The following FANCD2 variants were observed in gnomAD, a reference collection of about 807,000 sequenced individuals.
The protein encoded by FANCD2 is FA complementation group D2.
FANCD2 carries 131 observed loss-of-function variants against 192.3 expected under a neutral mutation model. The observed-to-expected ratio is 0.68, with a 90% CI of 0.59 to 0.79. FANCD2 has a LOEUF of 0.79. FANCD2 is among the 30% of genes least tolerant of loss of function. FANCD2 has a pLI of 0.00. For missense variants in FANCD2, 1,508 were observed against 1,701.6 expected (o/e 0.89, Z 2.00); for synonymous variants, 524 against 612.5 (o/e 0.86, Z 2.13).
chr3:10,099,757 C>G (rs997029414), intron 43 of FANCD2: 55 of 152,130 alleles, frequency 3.6e-4, no homozygotes, highest in African/African-American at 1.3e-3. Flanking sequence ...GACTCCGTCT[C>G]AACAACAACA....
chr3:10,059,626 C>A (rs1462316187), intron 18 of FANCD2, among the ~76,000 whole-genome samples: 1 of 151,968 alleles, frequency 6.6e-6, no homozygotes, highest in Non-Finnish European at 1.5e-5. Context: ...CATGGTGAAA[C>A]CCCGTCTCTA....
chr3:10,087,167 A>G lies in FANCD2; in HGVS notation c.3369A>G (p.Gln1123=), dbSNP rs776210193. 6 of 1,614,020 alleles carry G rather than the reference A, an allele frequency of 3.7e-6. No homozygotes were observed. The highest frequency in any genetic ancestry group is 5.1e-6 in the Non-Finnish European group (6 of 1,179,976). ...TCCATTACTTGCAGAATTTCCATCA[A>G]AGCATTCCCAGTTTCCAGTGTGCTC... ...QSVHYLQNFH[Q]SIPSFQCALY... Residue 1123 remains glutamine, a synonymous_variant, in exon 34 of 44, where the codon CAA becomes CAG. Transcript: ENST00000675286.
At position 10,083,224 on chromosome 3, in the gene FANCD2, C is replaced by T. The variant is rs564540459; in HGVS notation, c.3224+1760C>T. ...CCTGGGCAACAGAACCAGACCCCAT[C>T]TCAAAAAAAAAAAAATCTGGGCCCC... On this transcript the variant is annotated intron_variant, in intron 32 of 43. Transcript: ENST00000675286. Among the ~76,000 whole-genome samples, 4 of 149,214 alleles carry T rather than the reference C, an allele frequency of 2.7e-5. No individual in the cohort carries two copies. In the South Asian group the frequency reaches 8.4e-4, roughly 31 times the overall value.
rs34388064 is a variant in FANCD2, at chr3:10,035,993, A to G, written c.439-294A>G. ...TTCCAATAGCATATTCTAAAAATGA[A>G]GACATATTCGTGTGGATATCCTTGT... On this transcript the variant is annotated intron_variant, in intron 6 of 43. Transcript: ENST00000675286. 9.2e-3 allele frequency among the ~76,000 whole-genome samples: 1,394 copies of G among 152,180 alleles called. 31 individuals carry two copies. The highest frequency in any genetic ancestry group is 0.032 in the African/African-American group (1,318 of 41,504).
At chr3:10,074,466 T>G in intron 28 of FANCD2, 64 bp from the exon 29 acceptor site, 1 of 1,440,972 alleles carries the variant, frequency 6.9e-7, no homozygotes, top group Non-Finnish European at 9.5e-7. Flanking sequence ...TTTGAAGTTT[T>G]TATTAAAATT....
At chr3:10,061,376 G>A (rs2087562963) in intron 19 of FANCD2, among the ~76,000 whole-genome samples, 1 of 152,138 alleles carries the variant, frequency 6.6e-6, no homozygotes, top group Non-Finnish European at 1.5e-5. Flanking sequence ...TCACTCCCCT[G>A]TGACACACAT....
In FANCD2 at chr3:10,042,642, A is replaced by C; in HGVS notation, c.867A>C (p.Val289=). 1.2e-6 allele frequency: 2 copies of C among 1,613,816 alleles called. No homozygotes were observed. Among genetic ancestry groups the C allele is most frequent in the Non-Finnish European group, 1.7e-6 (2 of 1,179,714 alleles). Residue 289 remains valine, a synonymous_variant, in exon 11 of 44, where the codon GTA becomes GTC. Transcript: ENST00000675286. ...PVIIKFILHS[V]TAMDTLEVIS... Reference sequence around the variant, plus strand: ...TAATAAAGTTCATTCTTCATTCCGTAACAGCCATGGATACACTTGAGGTAT... The same window carrying C: ...TAATAAAGTTCATTCTTCATTCCGTCACAGCCATGGATACACTTGAGGTAT...
intron 10 of FANCD2, among the ~76,000 whole-genome samples, chr3:10,042,274 T>C (rs1170330515): frequency 6.6e-6 from 1 of 152,218 alleles, no homozygotes; most frequent in East Asian, 1.9e-4. Flanking sequence ...CCCATAGGAA[T>C]AATACTTTTT....
chr3:10,098,711 C>G lies in FANCD2; in HGVS notation c.4186-9C>G, dbSNP rs1349080878. On this transcript the variant is annotated splice_polypyrimidine_tract_variant and intron_variant, in intron 42 of 43. Coordinates refer to ENST00000675286, the MANE Select transcript of FANCD2 (RefSeq NM_001018115.3). ...TAACCCACCATTTTCTTGGTCCATT[C>G]ACATTTAGGGTGAAGAGATTAAGTC... is the stretch of plus-strand genomic sequence containing the variant. The G allele has an allele frequency of 6.2e-7, 1 of 1,614,058 alleles. No homozygotes were observed. The highest frequency in any genetic ancestry group is 8.5e-7 in the Non-Finnish European group (1 of 1,179,952).
intron 41 of FANCD2, 111 bp from the exon 42 acceptor site, chr3:10,096,215 G>T: frequency 9.4e-7 from 1 of 1,058,586 alleles, no homozygotes; most frequent in South Asian, 1.3e-5. Context: ...CATACCGTTG[G>T]CCCATACTGG....
At position 10,065,375 on chromosome 3, in the gene FANCD2, A is replaced by T. The variant is rs1243578039; in HGVS notation, c.2169-19A>T. 6 of 1,563,828 alleles carry T rather than the reference A, an allele frequency of 3.8e-6. No individual in the cohort carries two copies. The highest frequency in any genetic ancestry group is 5.3e-6 in the Non-Finnish European group (6 of 1,134,270). On this transcript the variant is annotated intron_variant, in intron 23 of 43. Transcript: ENST00000675286. Reference sequence around the variant, plus strand: ...TACACCTATGAAGTGTGGTCTAGAAATTTATTTCTCCTTCTCAGATTGGTG... The same window carrying T: ...TACACCTATGAAGTGTGGTCTAGAATTTTATTTCTCCTTCTCAGATTGGTG...
At chr3:10,043,312 A>G (rs1274080936) in intron 12 of FANCD2, among the ~76,000 whole-genome samples, 162 bp downstream of exon 12, 1 of 152,176 alleles carries the variant, frequency 6.6e-6, no homozygotes, top group African/African-American at 2.4e-5. Context: ...GTATGTGTTT[A>G]TATATTTTCT....
intron 2 of FANCD2, 107 bp downstream of exon 2, chr3:10,028,828 G>GA (rs2086520953): frequency 1.0e-6 from 1 of 960,148 alleles, no homozygotes; most frequent in Non-Finnish European, 1.7e-6. Context: ...AAAGTGTAAT[G>GA]AATGGAGTGC....
intron 7 of FANCD2, among the ~76,000 whole-genome samples, chr3:10,037,851 C>G (rs768739157): frequency 6.6e-6 from 1 of 151,956 alleles, no homozygotes; most frequent in African/African-American, 2.4e-5. Context: ...ATAAGTAGTT[C>G]AGTATTTTGT....
At chr3:10,063,384 C>A (rs950689720) in intron 20 of FANCD2, among the ~76,000 whole-genome samples, 1 of 151,938 alleles carries the variant, frequency 6.6e-6, no homozygotes, top group East Asian at 1.9e-4. Flanking sequence ...TTGCAGTGAG[C>A]CGAGATCACA....
chr3:10,087,265 G>A lies in FANCD2; in HGVS notation c.3466+1G>A, dbSNP rs1301819180. The A allele has an allele frequency of 6.3e-7, 1 of 1,590,328 alleles. No individual in the cohort carries two copies. The highest frequency in any genetic ancestry group is 8.6e-7 in the Non-Finnish European group (1 of 1,165,344). On this transcript the variant is annotated splice_donor_variant, in intron 34 of 43. Transcript: ENST00000675286. LOFTEE classifies it high-confidence loss of function. ...TCTGCTCAGAACAAAGAAAAAATTG[G>A]TGATGGGCCTAGATCCTTTTTTTTT...
intron 1 of FANCD2, among the ~76,000 whole-genome samples, chr3:10,027,290 C>G (rs917995064): frequency 1.3e-5 from 2 of 152,146 alleles, no homozygotes; most frequent in African/African-American, 4.8e-5. Context: ...GCTGCAGTAG[C>G]AAACTCCCTT....
intron 9 of FANCD2, 171 bp downstream of exon 9, chr3:10,040,016 A>G: frequency 1.5e-6 from 1 of 646,112 alleles, no homozygotes. Flanking sequence ...ATATATTTGA[A>G]TAGATCCACA....
chr3:10,063,998 T>G, intron 21 of FANCD2, 87 bp downstream of exon 21: 1 of 1,585,942 alleles, frequency 6.3e-7, no homozygotes, highest in South Asian at 1.1e-5. Context: ...AGTGTGAAAA[T>G]AGATCATCCT....
Sources: allele counts gnomAD v4.1 joint callset (sites outside exome capture counted in the v4.1 genomes callset), GRCh38; gene constraint gnomAD v4.1.1; transcripts MANE v1.5; gene names NCBI Gene and HGNC (gene_info 2026-07-23, HGNC 2026-07-21).